Variants in CNTN4 observed in about 807,000 individuals in gnomAD.
The protein encoded by CNTN4 is contactin-4.
In CNTN4, 77 loss-of-function variants were observed where a neutral mutation model predicts 122.5. The ratio of observed to expected loss-of-function variants is 0.63; its 90% CI spans 0.52 to 0.76. The LOEUF is 0.76. Ranked by LOEUF, CNTN4 falls within the 30% of genes least tolerant of loss-of-function variation. The pLI is 0.00. For synonymous variants in CNTN4, 512 were observed against 447.0 expected (o/e 1.15, Z -1.83); for missense variants, 1,256 against 1,259.1 (o/e 1.00, Z 0.04).
intron 3 of CNTN4, among the ~76,000 whole-genome samples, chr3:2,395,153 A>C (rs2046595665): frequency 6.6e-6 from 1 of 152,240 alleles, no homozygotes; most frequent in African/African-American, 2.4e-5. Flanking sequence ...CAGTAGGAGA[A>C]TACATAAACT....
rs1289797776 is a variant in CNTN4 at position 2,961,208 on chromosome 3, C to A, written c.1359-27137C>A. Among the ~76,000 whole-genome samples, 16 of 110,430 alleles carry A rather than the reference C, an allele frequency of 1.4e-4. 1 individual carries two copies. The South Asian group carries it at 3.8e-3, about 27-fold the overall frequency. 72.4% of individuals were successfully genotyped at this position (110,430 alleles called of 152,430 possible). On this transcript the variant is annotated intron_variant, in intron 13 of 24. Transcript: ENST00000418658. ...TTGGACCACTGCACTCCAGCCTGGG[C>A]GACAGAACGAGACTCCATCTCACAA...
At chr3:2,321,255 T>TA (rs2043267654) in intron 2 of CNTN4, among the ~76,000 whole-genome samples, 2 of 152,124 alleles carry the variant, frequency 1.3e-5, no homozygotes, top group African/African-American at 4.8e-5. Context: ...AGTATAGTGG[T>TA]AAAAAACTTC....
intron 2 of CNTN4, among the ~76,000 whole-genome samples, chr3:2,253,672 C>T (rs900307301): frequency 9.3e-5 from 14 of 151,254 alleles, no homozygotes; most frequent in African/African-American, 3.4e-4. Context: ...GACAGAGTCG[C>T]ACTCTGTCAC....
chr3:2,841,907 T>G lies in CNTN4; in HGVS notation c.454+22326T>G, dbSNP rs980918092. On this transcript the variant is annotated intron_variant, in intron 7 of 24. Coordinates refer to ENST00000418658, the MANE Select transcript of CNTN4 (RefSeq NM_175607.3). The surrounding 1 kb of genome is among the most constrained non-coding windows in gnomAD (Gnocchi z 4.8). ...CTGATCAAAGGTGTTGAAAGCTGAC[T>G]GTTAAAGGATTAATTAGGTCACATT... Among the ~76,000 whole-genome samples, 2 of 152,300 alleles carry G rather than the reference T, an allele frequency of 1.3e-5. No homozygotes were observed. The highest frequency in any genetic ancestry group is 4.1e-4 in the South Asian group (2 of 4,828).
intron 3 of CNTN4, among the ~76,000 whole-genome samples, chr3:2,428,312 A>G (rs1311439413): frequency 6.6e-6 from 1 of 152,104 alleles, no homozygotes; most frequent in Non-Finnish European, 1.5e-5. Context: ...AAAGGATTTT[A>G]TTTCTCCTTC....
At chr3:2,553,993 A>G (rs906446875) in intron 3 of CNTN4, among the ~76,000 whole-genome samples, 1 of 152,168 alleles carries the variant, frequency 6.6e-6, no homozygotes, top group African/African-American at 2.4e-5. Context: ...ACCAAACTGG[A>G]ATAAAAAAGT....
At chr3:2,122,382 TA>T (rs943501713) in intron 2 of CNTN4, among the ~76,000 whole-genome samples, 1 of 152,266 alleles carries the variant, frequency 6.6e-6, no homozygotes, top group East Asian at 1.9e-4. Flanking sequence ...ATGCTTACTA[TA>T]AAAAATGATG....
At chr3:2,161,294 A>G (rs535032388) in intron 2 of CNTN4, among the ~76,000 whole-genome samples, 1 of 152,284 alleles carries the variant, frequency 6.6e-6, no homozygotes, top group Admixed American at 6.5e-5. Flanking sequence ...GGGCTGCATT[A>G]TAAGAAAATA....
At chr3:3,009,531 T>A (rs1696992333) in intron 14 of CNTN4, among the ~76,000 whole-genome samples, 1 of 151,038 alleles carries the variant, frequency 6.6e-6, no homozygotes, top group Admixed American at 6.6e-5. Context: ...CCCCCCGGGT[T>A]CCCGCCATTC....
intron 14 of CNTN4, among the ~76,000 whole-genome samples, chr3:3,025,292 A>C (rs1429104092): frequency 6.6e-6 from 1 of 152,162 alleles, no homozygotes; most frequent in African/African-American, 2.4e-5. Flanking sequence ...TACCTGTATC[A>C]TTTTGTCAGT....
At chr3:2,166,556 A>G (rs563313654) in intron 2 of CNTN4, among the ~76,000 whole-genome samples, 7 of 152,134 alleles carry the variant, frequency 4.6e-5, no homozygotes, top group Non-Finnish European at 8.8e-5. Context: ...TTGATAATGT[A>G]AGTTATGAAA....
intron 3 of CNTN4, among the ~76,000 whole-genome samples, chr3:2,521,997 C>G (rs1443246390): frequency 1.3e-5 from 2 of 152,210 alleles, no homozygotes; most frequent in South Asian, 4.1e-4. Context: ...GAGGAATGAT[C>G]ATTACTGTTT....
chr3:2,800,702 C>T (rs946638593), intron 6 of CNTN4, among the ~76,000 whole-genome samples: 1 of 152,198 alleles, frequency 6.6e-6, no homozygotes, highest in Non-Finnish European at 1.5e-5. Context: ...AACTAAAGAT[C>T]TTATAGAGGT....
chr3:2,427,316 C>A (rs2047877797), intron 3 of CNTN4, among the ~76,000 whole-genome samples: 1 of 152,148 alleles, frequency 6.6e-6, no homozygotes, highest in Non-Finnish European at 1.5e-5. Context: ...TTTCTGCCTT[C>A]ATTTCGTTAT....
intron 4 of CNTN4, among the ~76,000 whole-genome samples, chr3:2,599,296 C>T (rs538957066): frequency 6.6e-6 from 1 of 152,254 alleles, no homozygotes; most frequent in East Asian, 1.9e-4. Context: ...AGTGATTTCT[C>T]AAGATCATAG....
At chr3:2,845,455 A>G (rs1234528657) in intron 7 of CNTN4, among the ~76,000 whole-genome samples, 1 of 152,062 alleles carries the variant, frequency 6.6e-6, no homozygotes, top group Non-Finnish European at 1.5e-5. Context: ...AAGATAAGTT[A>G]TATATAAATA....
chr3:2,843,340 C>G (rs2093397248), intron 7 of CNTN4, among the ~76,000 whole-genome samples: 1 of 152,160 alleles, frequency 6.6e-6, no homozygotes, highest in Admixed American at 6.5e-5. Flanking sequence ...ACCAACTCTC[C>G]CTACCTTCAA....
At chr3:2,669,405 G>C (rs1441590875) in intron 4 of CNTN4, among the ~76,000 whole-genome samples, 1 of 152,142 alleles carries the variant, frequency 6.6e-6, no homozygotes, top group Non-Finnish European at 1.5e-5. Flanking sequence ...TTCTCTGATG[G>C]TAGTTTGTAT....
At chr3:2,535,536 A>G (rs912278780) in intron 3 of CNTN4, among the ~76,000 whole-genome samples, 3 of 152,076 alleles carry the variant, frequency 2.0e-5, no homozygotes, top group African/African-American at 7.2e-5. Flanking sequence ...TTGCCTCTTT[A>G]GAGACTTGCT....
Sources: gnomAD v4.1 joint callset for allele counts (sites outside exome capture counted in the v4.1 genomes callset) on GRCh38, gnomAD v4.1.1 for gene constraint, Gnocchi (gnomAD v3.1) non-coding constraint, MANE v1.5 for transcripts, NCBI Gene and HGNC (gene_info 2026-07-23, HGNC 2026-07-21) for gene names.